The following C11orf65 variants were observed in gnomAD, a reference collection of about 807,000 sequenced individuals.
C11orf65 encodes protein MFI.
C11orf65 carries 38 observed loss-of-function variants against 35.3 expected under a neutral mutation model. The ratio of observed to expected loss-of-function variants is 1.08; its 90% CI spans 0.83 to 1.41. The LOEUF is 1.41. Among genes scored for constraint, C11orf65 ranks in the 40% most tolerant of loss-of-function variants. C11orf65 has a pLI of 0.00. For synonymous variants in C11orf65, 105 were observed against 114.4 expected (o/e 0.92, Z 0.53); for missense variants, 370 against 367.1 (o/e 1.01, Z -0.06).
At position 108,370,973 on chromosome 11, in the gene C11orf65, C is replaced by T. The variant is rs1201933435; in HGVS notation, c.226+22235G>A. 2.6e-5 allele frequency among the ~76,000 whole-genome samples: 4 copies of T among 151,928 alleles called. No homozygotes were observed. The South Asian group carries it at 8.3e-4, about 32-fold the overall frequency. ...TCCCAAGAAAAATCAGTAATAAAAT[C>T]AGGAAAATAGGAAAGATATTATAAT... On this transcript the variant is annotated intron_variant, in intron 2 of 3. Transcript: ENST00000524755.
downstream of C11orf65, among the ~76,000 whole-genome samples, chr11:108,379,117 C>G (rs1178230455): frequency 2.6e-5 from 4 of 151,960 alleles, no homozygotes; most frequent in Non-Finnish European, 5.9e-5. Flanking sequence ...CCCAGCCATC[C>G]CATTACTGGG....
intron 7 of C11orf65, among the ~76,000 whole-genome samples, chr11:108,388,313 T>C (rs2092062839): frequency 1.3e-5 from 2 of 152,190 alleles, no homozygotes; most frequent in African/African-American, 4.8e-5. Context: ...CCAGCAGTAA[T>C]TGATAAGAAA....
intron 6 of C11orf65, among the ~76,000 whole-genome samples, chr11:108,403,260 G>A (rs538467410): frequency 6.6e-6 from 1 of 152,266 alleles, no homozygotes; most frequent in Non-Finnish European, 1.5e-5. Flanking sequence ...TGGGTGTGTA[G>A]GGGTATCTCA....
Position 108,407,940 on chromosome 11 carries a change from A to AG in C11orf65, c.175-792_175-791insC, listed in dbSNP as rs1192447518. ...GAGCAAGACTCTGTCTCAAAAAAAA[A>AG]AAAAAAAAAAAAGAAAAGAAAAGAA... On this transcript the variant is annotated intron_variant, in intron 3 of 8. Coordinates refer to ENST00000393084, the MANE Select transcript of C11orf65 (RefSeq NM_152587.5). Among the ~76,000 whole-genome samples the AG allele has an allele frequency of 7.1e-5, 10 of 140,518 alleles. No homozygotes were observed. In the East Asian group the frequency reaches 1.8e-3, roughly 26 times the overall value. The allele number at this position is 140,518 out of a possible 152,430, so 92.2% of individuals were successfully genotyped here.
Position 108,350,234 on chromosome 11 carries a change from T to C in C11orf65, c.227-14942A>G, listed in dbSNP as rs550544671. The stretch of plus-strand genomic sequence containing the variant: ...GTCCTCAACATCCTTGGAGCTTAAG[T>C]TGTAGTTTAAAATGGGAGATGTGGT... On this transcript the variant is annotated intron_variant, in intron 2 of 3. Coordinates refer to the C11orf65 transcript ENST00000524755. 2.0e-5 allele frequency among the ~76,000 whole-genome samples: 3 copies of C among 152,194 alleles called. No individual in the cohort carries two copies. In the South Asian group the frequency reaches 6.2e-4, roughly 32 times the overall value.
chr11:108,367,673 T>G (rs2091406347), intron 2 of C11orf65: 3 of 214,126 alleles, frequency 1.4e-5, no homozygotes, highest in Admixed American at 5.8e-5. Flanking sequence ...CATTTCTTTT[T>G]ATTGCCAATG....
intron 1 of C11orf65, 63 bp downstream of exon 1, chr11:108,467,408 G>A (rs1212916160): frequency 1.3e-5 from 2 of 152,426 alleles, no homozygotes; most frequent in African/African-American, 4.8e-5. Flanking sequence ...CAAACCAGTG[G>A]GCACAAAGGC....
chr11:108,379,593 T>C (rs2091819850), downstream of C11orf65, among the ~76,000 whole-genome samples: 1 of 151,668 alleles, frequency 6.6e-6, no homozygotes, highest in South Asian at 2.1e-4. Flanking sequence ...AATTCGCACA[T>C]TGTGCACATG....
chr11:108,460,039 T>G (rs909240606), intron 2 of C11orf65, among the ~76,000 whole-genome samples: 1 of 152,112 alleles, frequency 6.6e-6, no homozygotes, highest in Non-Finnish European at 1.5e-5. Context: ...GAAGCTGAGG[T>G]TGGAGGATCA....
intron 3 of C11orf65, among the ~76,000 whole-genome samples, chr11:108,423,778 G>A (rs1343196292): frequency 1.3e-5 from 2 of 152,194 alleles, no homozygotes; most frequent in Non-Finnish European, 2.9e-5. Flanking sequence ...AGGGTCTGGA[G>A]TGGAACTCCA....
At chr11:108,444,868 G>A (rs1477986651) in intron 2 of C11orf65, among the ~76,000 whole-genome samples, 1 of 152,204 alleles carries the variant, frequency 6.6e-6, no homozygotes, top group Non-Finnish European at 1.5e-5. Flanking sequence ...AGAAAGGGGT[G>A]ACAGATGGCA....
chr11:108,331,228 A>G, downstream of C11orf65: 1 of 1,257,808 alleles, frequency 8.0e-7, no homozygotes, highest in Non-Finnish European at 1.0e-6. Flanking sequence ...TTAATTTAGG[A>G]CCAAATATTT....
rs1591745717 is a variant in C11orf65, at chr11:108,310,198, T to C, written c.641-1127A>G. 6.2e-7 allele frequency: 1 copy of C among 1,613,666 alleles called. No homozygotes were observed. The highest frequency in any genetic ancestry group is 8.5e-7 in the Non-Finnish European group (1 of 1,179,736). ...ACAATTTTTAATGATGCTTTCTGGCTGGATTTAAATTATCTAGAAGTTGCC... is the reference window on the plus strand; with the variant it reads ...ACAATTTTTAATGATGCTTTCTGGCCGGATTTAAATTATCTAGAAGTTGCC... On this transcript the variant is annotated intron_variant, in intron 6 of 6. Coordinates refer to the C11orf65 transcript ENST00000525729.
intron 2 of C11orf65, among the ~76,000 whole-genome samples, chr11:108,460,604 C>T (rs540950921): frequency 6.6e-6 from 1 of 152,278 alleles, no homozygotes; most frequent in African/African-American, 2.4e-5. Context: ...GGCAAATAAT[C>T]TTATTAATGA....
downstream of C11orf65, among the ~76,000 whole-genome samples, chr11:108,381,838 G>T (rs1468431259): frequency 2.0e-5 from 3 of 152,088 alleles, no homozygotes; most frequent in African/African-American, 7.2e-5. Flanking sequence ...ATAAGTATAG[G>T]CTGGACTTGA....
At chr11:108,327,786 T>G (rs780532555), downstream of C11orf65, 1 of 1,494,198 alleles carries the variant, frequency 6.7e-7, no homozygotes. Flanking sequence ...ACCCTTAAGA[T>G]AGTTACTTAG....
intron 8 of C11orf65, among the ~76,000 whole-genome samples, chr11:108,384,311 T>C (rs866940829): frequency 4.6e-5 from 7 of 152,158 alleles, no homozygotes; most frequent in African/African-American, 1.7e-4. Flanking sequence ...AATAGGTGGA[T>C]TGGTTAATGC....
chr11:108,332,729 C>A (rs762757009), intron 3 of C11orf65: 2 of 1,601,564 alleles, frequency 1.2e-6, no homozygotes, highest in African/African-American at 2.7e-5. Context: ...TTGGGTAGTT[C>A]CTTATGTAAT....
At chr11:108,378,903 A>G (rs1049492321), downstream of C11orf65, among the ~76,000 whole-genome samples, 15 of 151,984 alleles carry the variant, frequency 9.9e-5, no homozygotes, top group Admixed American at 5.2e-4. Context: ...GCCATCAGAG[A>G]AATGCAAATC....
Sources: gnomAD v4.1 joint callset for allele counts (sites outside exome capture counted in the v4.1 genomes callset) on GRCh38, gnomAD v4.1.1 for gene constraint, MANE v1.5 for transcripts, NCBI Gene and HGNC (gene_info 2026-07-23, HGNC 2026-07-21) for gene names.